Variants in DENND5B observed in about 807,000 individuals in gnomAD.
DENND5B encodes DENN domain containing 5B, also known as DENN domain-containing protein 5B.
Under a neutral mutation model 140.6 loss-of-function variants are expected in DENND5B, and 34 were observed. That is an observed-to-expected ratio of 0.24 (90% CI 0.18 to 0.32). The LOEUF (loss-of-function observed/expected upper bound fraction) is 0.32, where lower values mean the gene tolerates loss of function less well. DENND5B is among the 10% of genes least tolerant of loss of function. The pLI is 1.00. For missense variants in DENND5B, 1,142 were observed against 1,560.2 expected, an observed-to-expected ratio of 0.73 and a Z score of 4.52; for synonymous variants, 551 against 562.1, an observed-to-expected ratio of 0.98 and a Z score of 0.28.
In DENND5B at chr12:31,494,266, A is replaced by G. The variant is rs73084422; in HGVS notation, c.237+1544T>C. ...CCTACCTACCTACCTATTTTGAGACAGGGTCTTGCTATGGTGCCCATTCTG... is the reference window on the plus strand; with the variant it reads ...CCTACCTACCTACCTATTTTGAGACGGGGTCTTGCTATGGTGCCCATTCTG... On this transcript the variant is annotated intron_variant, in intron 2 of 20. Transcript: ENST00000389082. Among the ~76,000 whole-genome samples, 1,035 of 150,220 alleles carry G rather than the reference A, an allele frequency of 6.9e-3. 7 individuals carry two copies. The highest frequency in any genetic ancestry group is 0.012 in the Non-Finnish European group (781 of 67,614).
chr12:31,566,246 G>A (rs759821136), intron 1 of DENND5B, among the ~76,000 whole-genome samples: 1 of 152,100 alleles, frequency 6.6e-6, no homozygotes, highest in Non-Finnish European at 1.5e-5. Context: ...CTTGAGCCCA[G>A]GAGTTCGAGG....
chr12:31,430,190 T>G (rs1943445238), intron 8 of DENND5B, among the ~76,000 whole-genome samples: 1 of 150,588 alleles, frequency 6.6e-6, no homozygotes, highest in South Asian at 2.1e-4. Context: ...ACCCGGCTAG[T>G]TTTTGTATTT....
intron 1 of DENND5B, among the ~76,000 whole-genome samples, chr12:31,518,832 C>T (rs1947776652): frequency 6.6e-6 from 1 of 152,120 alleles, no homozygotes; most frequent in South Asian, 2.1e-4. Flanking sequence ...ACTCTAGCTG[C>T]AGCAACTGCA....
At chr12:31,445,808 T>C (rs1476012921) in intron 6 of DENND5B, among the ~76,000 whole-genome samples, 1 of 151,650 alleles carries the variant, frequency 6.6e-6, no homozygotes, top group Non-Finnish European at 1.5e-5. Flanking sequence ...CAAGGTAAGA[T>C]AATAACCTGA....
In DENND5B at chr12:31,440,640, T is replaced by C. The variant is rs368397294; in HGVS notation, c.2012+2135A>G. Among the ~76,000 whole-genome samples the C allele has an allele frequency of 3.1e-4, 47 of 152,306 alleles. No homozygotes were observed. In the South Asian group the frequency reaches 5.0e-3, roughly 16 times the overall value. On this transcript the variant is annotated intron_variant, in intron 7 of 20. Transcript: ENST00000389082. ...ATTAAAGTTGAGACAGCCTTTTAAA[T>C]GAAAGGTCAATCAAACGAAGGGTTT...
intron 11 of DENND5B, among the ~76,000 whole-genome samples, chr12:31,420,737 C>T (rs1942982057): frequency 6.6e-6 from 1 of 152,138 alleles, no homozygotes; most frequent in Non-Finnish European, 1.5e-5. Flanking sequence ...AGCCACCACA[C>T]TCAGTCCTCC....
intron 1 of DENND5B, among the ~76,000 whole-genome samples, chr12:31,514,273 G>T (rs900451158): frequency 6.6e-6 from 1 of 152,110 alleles, no homozygotes; most frequent in African/African-American, 2.4e-5. Flanking sequence ...ATATAGTCAA[G>T]GTTTGTAGTA....
intron 1 of DENND5B, among the ~76,000 whole-genome samples, chr12:31,503,735 T>C (rs1465344972): frequency 6.6e-6 from 1 of 152,238 alleles, no homozygotes; most frequent in Non-Finnish European, 1.5e-5. Context: ...ATAGTTCCAA[T>C]TACTTCACAT....
intron 1 of DENND5B, chr12:31,590,489 G>T (rs538895742): frequency 3.9e-6 from 2 of 506,900 alleles, no homozygotes; most frequent in Admixed American, 4.7e-5. Context: ...CCAGCGCCTG[G>T]AGGCGAAAGC....
At chr12:31,408,055 G>A (rs1416992243) in intron 14 of DENND5B, among the ~76,000 whole-genome samples, 2 of 152,188 alleles carry the variant, frequency 1.3e-5, no homozygotes, top group Non-Finnish European at 2.9e-5. Context: ...TAGCACATTG[G>A]GAGGTTGAGG....
At chr12:31,511,289 T>C (rs1052160270) in intron 1 of DENND5B, among the ~76,000 whole-genome samples, 1 of 152,200 alleles carries the variant, frequency 6.6e-6, no homozygotes, top group Admixed American at 6.5e-5. Context: ...GAAACCTTTC[T>C]TGACCTGTCC....
intron 1 of DENND5B, among the ~76,000 whole-genome samples, chr12:31,505,941 C>T (rs1302142372): frequency 6.6e-6 from 1 of 151,974 alleles, no homozygotes; most frequent in Non-Finnish European, 1.5e-5. Context: ...CTCAAGTGAT[C>T]CTCTCACCTC....
chr12:31,415,597 A>G (rs1001542840), intron 11 of DENND5B, 149 bp from the exon 12 acceptor site: 2 of 596,778 alleles, frequency 3.4e-6, no homozygotes, highest in Admixed American at 6.3e-5. Context: ...TTTTAAAGAA[A>G]ATAGGGTCTT....
At chr12:31,571,767 C>T (rs1592073242) in intron 1 of DENND5B, among the ~76,000 whole-genome samples, 3 of 152,244 alleles carry the variant, frequency 2.0e-5, no homozygotes, top group East Asian at 1.9e-4. Flanking sequence ...CCACCACGCC[C>T]GGCTAATTTT....
chr12:31,497,534 G>A (rs999389989), intron 1 of DENND5B, among the ~76,000 whole-genome samples: 1 of 151,470 alleles, frequency 6.6e-6, no homozygotes, highest in African/African-American at 2.4e-5. Context: ...ACAGATTCAG[G>A]GCTCAGAACT....
intron 1 of DENND5B, among the ~76,000 whole-genome samples, chr12:31,505,265 G>GTA (rs1947155149): frequency 7.1e-6 from 1 of 141,710 alleles, no homozygotes; most frequent in Non-Finnish European, 1.5e-5. Flanking sequence ...TTGAGACAGA[G>GTA]TCTTACTCTG....
intron 11 of DENND5B, among the ~76,000 whole-genome samples, chr12:31,423,241 T>A (rs537358758): frequency 1.3e-5 from 2 of 151,946 alleles, no homozygotes; most frequent in African/African-American, 4.8e-5. Context: ...GTGCCTAGCA[T>A]AAAACTTGTA....
At chr12:31,437,067 T>A (rs1230570160) in intron 7 of DENND5B, among the ~76,000 whole-genome samples, 2 of 152,142 alleles carry the variant, frequency 1.3e-5, no homozygotes, top group Non-Finnish European at 2.9e-5. Context: ...CCATTTTCTA[T>A]AAAATCTCCT....
intron 1 of DENND5B, among the ~76,000 whole-genome samples, chr12:31,583,999 A>G (rs569033387): frequency 4.7e-4 from 71 of 152,224 alleles, no homozygotes; most frequent in Non-Finnish European, 9.4e-4. Context: ...TCTACCATTC[A>G]GTAAATTATA....
Sources: gnomAD v4.1 joint callset for allele counts (sites outside exome capture counted in the v4.1 genomes callset) on GRCh38, gnomAD v4.1.1 for gene constraint, MANE v1.5 for transcripts, NCBI Gene and HGNC (gene_info 2026-07-23, HGNC 2026-07-21) for gene names.